CDKL5: variants seen among roughly 807,000 people sequenced by gnomAD.
The protein encoded by CDKL5 is cyclin-dependent kinase-like 5.
In CDKL5, 8 loss-of-function variants were observed where a neutral mutation model predicts 61.7. The ratio of observed to expected loss-of-function variants is 0.13; its 90% CI spans 0.08 to 0.23. The LOEUF (loss-of-function observed/expected upper bound fraction) is 0.23, where lower values mean the gene tolerates loss of function less well. Ranked by LOEUF, CDKL5 falls within the 10% of genes least tolerant of loss-of-function variation. CDKL5 has a pLI of 1.00. For missense variants in CDKL5, 440 were observed against 734.5 expected (o/e 0.60, Z 4.63); for synonymous variants, 275 against 272.3 (o/e 1.01, Z -0.10).
At chrX:18,448,451 C>T (rs1429299158) in intron 1 of CDKL5, among the ~76,000 whole-genome samples, 2 of 111,974 alleles carry the variant, frequency 1.8e-5, no homozygotes, top group Non-Finnish European at 3.8e-5. Context: ...TGCTCCGGCA[C>T]GTATAGGTTC....
At chrX:18,473,883 CAG>C (rs1921202509) in intron 1 of CDKL5, among the ~76,000 whole-genome samples, 1 of 106,631 alleles carries the variant, frequency 9.4e-6, no homozygotes, top group Non-Finnish European at 1.9e-5. Context: ...AGTAGGCCAT[CAG>C]GGGAACTTCG....
chrX:18,509,301 A>G (rs1922739912), intron 2 of CDKL5, among the ~76,000 whole-genome samples: 1 of 109,102 alleles, frequency 9.2e-6, no homozygotes, highest in Non-Finnish European at 1.9e-5. Context: ...TTTTTACCCC[A>G]TAGAATAACT....
intron 1 of CDKL5, among the ~76,000 whole-genome samples, chrX:18,447,293 CG>C (rs1185341651): frequency 9.0e-6 from 1 of 111,167 alleles, no homozygotes; most frequent in Non-Finnish European, 1.9e-5. Context: ...TTGACTCCTT[CG>C]TTTTTCTCTG....
chrX:18,651,260 TGTGTGAGA>T (rs1298339055), intron 21 of CDKL5, among the ~76,000 whole-genome samples: 10 of 81,590 alleles, frequency 1.2e-4, no homozygotes, highest in African/African-American at 4.1e-4. Flanking sequence ...TGTGTGTGTG[TGTGTGAGA>T]GAGAGAGAGA....
At chrX:18,428,126 A>G (rs1931407041) in intron 1 of CDKL5, among the ~76,000 whole-genome samples, 2 of 112,011 alleles carry the variant, frequency 1.8e-5, no homozygotes, top group African/African-American at 3.2e-5. Flanking sequence ...TTGAAGGTAC[A>G]GTATTGTTAC....
chrX:18,504,433 T>C (rs1255941888), intron 1 of CDKL5, among the ~76,000 whole-genome samples: 1 of 112,306 alleles, frequency 8.9e-6, no homozygotes, highest in Non-Finnish European at 1.9e-5. Flanking sequence ...AAAGGGACTA[T>C]GTCTACTGCT....
chrX:18,624,937 G>A (rs757544074), intron 16 of CDKL5, among the ~76,000 whole-genome samples, 191 bp from the exon 17 acceptor site: 18 of 111,696 alleles, frequency 1.6e-4, no homozygotes, highest in South Asian at 1.1e-3. Context: ...AAATTATTAA[G>A]AGGGCAGAAG....
intron 1 of CDKL5, among the ~76,000 whole-genome samples, chrX:18,501,546 T>A (rs765815141): frequency 3.6e-5 from 4 of 109,804 alleles, no homozygotes; most frequent in Admixed American, 9.8e-5. Context: ...TTTTAAAAAA[T>A]TTTTATTTTT....
intron 4 of CDKL5, among the ~76,000 whole-genome samples, chrX:18,566,019 C>T (rs1924957743): frequency 8.9e-6 from 1 of 112,133 alleles, no homozygotes; most frequent in Admixed American, 9.4e-5. Flanking sequence ...TAGATCAAAG[C>T]ACAACCTTCG....
chrX:18,558,364 C>A (rs1311898152), intron 3 of CDKL5, among the ~76,000 whole-genome samples: 1 of 111,626 alleles, frequency 9.0e-6, no homozygotes, highest in Non-Finnish European at 1.9e-5. Flanking sequence ...AAATTAAATT[C>A]AAAACAAGTT....
chrX:18,457,378 C>T (rs1222039697), intron 1 of CDKL5: 3 of 111,359 alleles, frequency 2.7e-5, no homozygotes, highest in African/African-American at 9.8e-5. Context: ...TCTTAGAATC[C>T]TAGTCGGGGA....
At chrX:18,597,604 T>A (rs2147155363) in intron 10 of CDKL5, among the ~76,000 whole-genome samples, 1 of 99,223 alleles carries the variant, frequency 1.0e-5, no homozygotes, top group Non-Finnish European at 2.1e-5. Flanking sequence ...TTTTTTTTTT[T>A]TTTTTTTTTT....
chrX:18,572,736 G>A (rs1569212328), intron 4 of CDKL5, among the ~76,000 whole-genome samples: 1 of 111,928 alleles, frequency 8.9e-6, no homozygotes, highest in Non-Finnish European at 1.9e-5. Context: ...TTTCCTTATG[G>A]CCACAGGTGA....
At position 18,645,578 on chromosome X, in the gene CDKL5, T is replaced by C. The variant is rs1056733833; in HGVS notation, c.2714-429T>C. Reference sequence around the variant, plus strand: ...TCTATCTATTGGCTCCATCTCCAAGTGCCTCAAATTCTTCTACTTCTGTCG... The same window carrying C: ...TCTATCTATTGGCTCCATCTCCAAGCGCCTCAAATTCTTCTACTTCTGTCG... On this transcript the variant is annotated intron_variant, in intron 19 of 21. Coordinates refer to the CDKL5 transcript ENST00000379989. Among the ~76,000 whole-genome samples, 3 of 109,946 alleles carry C rather than the reference T, an allele frequency of 2.7e-5. No individual in the cohort carries two copies. In the East Asian group the frequency reaches 8.6e-4, roughly 31 times the overall value.
chrX:18,566,746 A>G (rs1294251475), intron 4 of CDKL5, among the ~76,000 whole-genome samples: 3 of 112,137 alleles, frequency 2.7e-5, no homozygotes, highest in Admixed American at 1.9e-4. Flanking sequence ...AACTTGGATC[A>G]TTTTGAGGTG....
chrX:18,489,750 C>CA (rs1349903210), intron 1 of CDKL5, among the ~76,000 whole-genome samples: 4 of 110,239 alleles, frequency 3.6e-5, no homozygotes, highest in African/African-American at 1.3e-4. Flanking sequence ...CTGAAATGTA[C>CA]AAAACCAAGC....
In CDKL5 at chrX:18,608,861, A is replaced by G. The variant is rs1481273102; in HGVS notation, c.1995A>G (p.Lys665=). The change falls in exon 13 of 18, where the codon AAA becomes AAG. Residue 665 remains lysine (K), a synonymous_variant. Coordinates refer to ENST00000623535, the MANE Select transcript of CDKL5 (RefSeq NM_001323289.2). ...PEMTVARSSV[K]ETSREGTSSF... is the part of the protein sequence containing the mutation. ...TGACTGTGGCAAGATCTTCGGTCAAAGAGACCTCCAGAGAAGGCACCTCTT... is the reference window on the plus strand; with the variant it reads ...TGACTGTGGCAAGATCTTCGGTCAAGGAGACCTCCAGAGAAGGCACCTCTT... 3 of 1,205,011 alleles carry G rather than the reference A, an allele frequency of 2.5e-6. No individual in the cohort carries two copies. The African/African-American group carries it at 5.3e-5, about 21-fold the overall frequency.
intron 3 of CDKL5, among the ~76,000 whole-genome samples, chrX:18,550,530 C>T (rs1019859442): frequency 2.7e-5 from 3 of 112,191 alleles, no homozygotes; most frequent in African/African-American, 9.7e-5. Context: ...TTTCTTGGCA[C>T]GGGTTAAATT....
At chrX:18,502,666 G>A (rs1015497761) in intron 1 of CDKL5, among the ~76,000 whole-genome samples, 2 of 111,415 alleles carry the variant, frequency 1.8e-5, no homozygotes, top group African/African-American at 6.5e-5. Flanking sequence ...GAATCTGTAG[G>A]GATACTGAAG....
Sources: gnomAD v4.1 joint callset for allele counts (sites outside exome capture counted in the v4.1 genomes callset) on GRCh38, gnomAD v4.1.1 for gene constraint, MANE v1.5 for transcripts, NCBI Gene and HGNC (gene_info 2026-07-23, HGNC 2026-07-21) for gene names.